The following SLC22A23 variants were observed in gnomAD, a reference collection of about 807,000 sequenced individuals.
SLC22A23 encodes the protein ion transporter protein.
A neutral mutation model predicts 61.0 loss-of-function variants in SLC22A23; 26 were observed. The ratio of observed to expected loss-of-function variants is 0.43; its 90% CI spans 0.31 to 0.59. SLC22A23 has a LOEUF of 0.59. Ranked by LOEUF, SLC22A23 falls within the 20% of genes least tolerant of loss-of-function variation. The pLI is 0.11. For synonymous variants in SLC22A23, 430 were observed against 413.9 expected (o/e 1.04, Z -0.47); for missense variants, 796 against 934.7 (o/e 0.85, Z 1.94).
At chr6:3,305,444 T>A (rs191329724) in intron 4 of SLC22A23, among the ~76,000 whole-genome samples, 1 of 152,312 alleles carries the variant, frequency 6.6e-6, no homozygotes, top group African/African-American at 2.4e-5. Context: ...AGGGAATACT[T>A]AAGTTTTATG....
intron 1 of SLC22A23, among the ~76,000 whole-genome samples, chr6:3,434,077 G>A (rs1455642219): frequency 6.6e-6 from 1 of 152,222 alleles, no homozygotes; most frequent in Non-Finnish European, 1.5e-5. Context: ...CACTTTGGGA[G>A]GCCGAGGCGA....
At chr6:3,450,315 A>AT (rs781326195) in intron 1 of SLC22A23, among the ~76,000 whole-genome samples, 60 of 151,700 alleles carry the variant, frequency 4.0e-4, no homozygotes, top group Middle Eastern at 3.4e-3. Flanking sequence ...GTATTTTATT[A>AT]TTTTTTTTTG....
At position 3,309,526 on chromosome 6, in the gene SLC22A23, T is replaced by G. The variant is rs187665521; in HGVS notation, c.1083-11308A>C. On this transcript the variant is annotated intron_variant, in intron 4 of 9. Transcript: ENST00000406686. This position sits in a 1 kb window ranked among gnomAD's most constrained non-coding sequence, Gnocchi z 4.7. The stretch of plus-strand genomic sequence containing the variant: ...TGGCACCTGACCGTAATAAGGACTG[T>G]GGGCTGACAAGCAGGTGGCACCTGA... 1.4e-3 allele frequency among the ~76,000 whole-genome samples: 205 copies of G among 151,618 alleles called. 2 individuals are homozygous for G. Among genetic ancestry groups the G allele is most frequent in the African/African-American group, 4.6e-3 (189 of 41,342 alleles).
At chr6:3,280,918 CGTCA>C (rs1220192080) in intron 9 of SLC22A23, among the ~76,000 whole-genome samples, 2 of 152,062 alleles carry the variant, frequency 1.3e-5, no homozygotes, top group Non-Finnish European at 2.9e-5. Context: ...GTCAGGGAGT[CGTCA>C]GTCAGGGAGT....
At chr6:3,380,249 T>C (rs17136488) in intron 3 of SLC22A23, among the ~76,000 whole-genome samples, 2,015 of 152,288 alleles carry the variant, frequency 0.013, 47 homozygotes, top group African/African-American at 0.041. Context: ...TGAAATGAAT[T>C]GGTCTGGGTG....
rs1175611553 is a variant in SLC22A23, at chr6:3,327,848, A to T, written c.914-3846T>A. Among the ~76,000 whole-genome samples, 1 of 152,204 alleles carries T rather than the reference A, an allele frequency of 6.6e-6. No homozygotes were observed. The highest frequency in any genetic ancestry group is 6.5e-5 in the Admixed American group (1 of 15,276). On this transcript the variant is annotated intron_variant, in intron 3 of 9. Coordinates refer to ENST00000406686, the MANE Select transcript of SLC22A23 (RefSeq NM_015482.2). This position sits in a 1 kb window ranked among gnomAD's most constrained non-coding sequence, Gnocchi z 4.1. ...ATACATAGCCTGAAGGTAATTTTATATGAGATTTTGAATAATTTTGTGCAT... is the reference window on the plus strand; with the variant it reads ...ATACATAGCCTGAAGGTAATTTTATTTGAGATTTTGAATAATTTTGTGCAT...
intron 3 of SLC22A23, among the ~76,000 whole-genome samples, chr6:3,336,340 G>T (rs1210387209): frequency 6.6e-6 from 1 of 152,208 alleles, no homozygotes; most frequent in African/African-American, 2.4e-5. Context: ...TGTGACCAGG[G>T]CTTTTGCTAC....
rs1758556878 is a variant in SLC22A23, at chr6:3,272,773, T to C, written c.*282A>G. ...GGGAGGTGATTCCATTTGTGATCAG[T>C]GAGAGGGAGAGGGAATAAAGTGCTT... On this transcript the variant is annotated 3_prime_UTR_variant, in exon 10 of 10. Transcript: ENST00000406686. 2 of 281,858 alleles carry C rather than the reference T, an allele frequency of 7.1e-6. No individual in the cohort carries two copies. Among genetic ancestry groups the C allele is most frequent in the Non-Finnish European group, 1.3e-5 (2 of 149,158 alleles). The allele number at this position is 281,858 out of a possible 1,614,324, so 17.5% of individuals were successfully genotyped here. A position where few individuals can be genotyped will look rare whatever the true frequency, so the allele number is the denominator to read the frequency against.
intron 1 of SLC22A23, among the ~76,000 whole-genome samples, chr6:3,420,137 G>A (rs1195657349): frequency 3.3e-5 from 5 of 151,628 alleles, no homozygotes; most frequent in African/African-American, 1.2e-4. Context: ...GATGCCATGT[G>A]ACGCTTCTGA....
Position 3,435,037 on chromosome 6 carries a change from C to T in SLC22A23, c.655-19182G>A, listed in dbSNP as rs150517827. ...CTCCATAGAAACCTGGGCGGAGAAC[C>T]CAGGCAACAAGGGTGCTGGAAGCGG... On this transcript the variant is annotated intron_variant, in intron 1 of 9. Coordinates refer to ENST00000406686, the MANE Select transcript of SLC22A23 (RefSeq NM_015482.2). Among the ~76,000 whole-genome samples the T allele has an allele frequency of 7.7e-3, 1,168 of 152,232 alleles. 7 individuals carry two copies. The highest frequency in any genetic ancestry group is 0.012 in the Non-Finnish European group (840 of 68,014).
chr6:3,346,227 C>A (rs1383357274), intron 3 of SLC22A23, among the ~76,000 whole-genome samples: 3 of 152,150 alleles, frequency 2.0e-5, no homozygotes, highest in African/African-American at 7.2e-5. Context: ...TGCTCGGGTC[C>A]CAGCTCAACG....
chr6:3,439,985 C>T (rs1441543733), intron 1 of SLC22A23, among the ~76,000 whole-genome samples: 1 of 152,090 alleles, frequency 6.6e-6, no homozygotes, highest in Non-Finnish European at 1.5e-5. Flanking sequence ...ACCGTGAAAC[C>T]TACCACCCAG....
intron 3 of SLC22A23, among the ~76,000 whole-genome samples, chr6:3,338,048 A>G (rs1036590482): frequency 6.6e-6 from 1 of 152,142 alleles, no homozygotes; most frequent in Non-Finnish European, 1.5e-5. Flanking sequence ...GACACTACCG[A>G]CTTGAATCTG....
At position 3,283,861 on chromosome 6, in the gene SLC22A23, G is replaced by A; in HGVS notation, c.1694C>T (p.Thr565Met). 2 of 1,613,758 alleles carry A rather than the reference G, an allele frequency of 1.2e-6. No homozygotes were observed. The highest frequency in any genetic ancestry group is 2.2e-5 in the East Asian group (1 of 44,876). Residue 565 changes from threonine (T) to methionine (M), a missense_variant, in exon 9 of 10, where the codon ACG (threonine) becomes ATG (methionine). Coordinates refer to ENST00000406686, the MANE Select transcript of SLC22A23 (RefSeq NM_015482.2). ...GTCTCCCATGACGCACCTTATCACC[G>A]TCGGGGTGATCTCCGCACAGAAGAA... is the stretch of plus-strand genomic sequence containing the variant. ...SVFFCAEITP[T>M]VIRCGGLGLV... is the part of the protein sequence containing the mutation.
intron 3 of SLC22A23, among the ~76,000 whole-genome samples, chr6:3,369,413 G>A (rs934856548): frequency 6.6e-6 from 1 of 152,146 alleles, no homozygotes; most frequent in African/African-American, 2.4e-5. Context: ...GGAATAGGCC[G>A]GGCACGGTGG....
At chr6:3,351,048 A>G (rs1764739210) in intron 3 of SLC22A23, among the ~76,000 whole-genome samples, 1 of 152,216 alleles carries the variant, frequency 6.6e-6, no homozygotes, top group Non-Finnish European at 1.5e-5. Flanking sequence ...CTCCAGGAGA[A>G]GCAAGGCCAG....
At chr6:3,282,357 T>A (rs1759547911) in intron 9 of SLC22A23, 1 of 701,038 alleles carries the variant, frequency 1.4e-6, no homozygotes, top group Admixed American at 2.0e-5. Flanking sequence ...TTCCTTGTGC[T>A]TAATCATACA....
At position 3,272,333 on chromosome 6, in the gene SLC22A23, T is replaced by C. The variant is rs9501972; in HGVS notation, c.*722A>G. On this transcript the variant is annotated 3_prime_UTR_variant, in exon 10 of 10. Coordinates refer to ENST00000406686, the MANE Select transcript of SLC22A23 (RefSeq NM_015482.2). ...CTGTGTACTCACAAAGCTGTGGCGA[T>C]ATGACTGCTGCTCAATTAAGATTTC... 0.09 allele frequency: 13,713 copies of C among 152,750 alleles called. 707 individuals carry two copies. The highest frequency in any genetic ancestry group is 0.17 in the Middle Eastern group (51 of 294). 9.5% of individuals were successfully genotyped at this position (152,750 alleles called of 1,614,324 possible). A position where few individuals can be genotyped will look rare whatever the true frequency, so the allele number is the denominator to read the frequency against.
chr6:3,279,909 C>T (rs568841305), intron 9 of SLC22A23, among the ~76,000 whole-genome samples: 3 of 152,034 alleles, frequency 2.0e-5, no homozygotes, highest in Non-Finnish European at 2.9e-5. Context: ...ATATGCAGGC[C>T]GACTTCTTAC....
Sources: gnomAD v4.1 joint callset for allele counts (sites outside exome capture counted in the v4.1 genomes callset) on GRCh38, gnomAD v4.1.1 for gene constraint, Gnocchi (gnomAD v3.1) non-coding constraint, MANE v1.5 for transcripts, NCBI Gene and HGNC (gene_info 2026-07-23, HGNC 2026-07-21) for gene names.